MACROD2: variants seen among roughly 807,000 people sequenced by gnomAD.
MACROD2 encodes mono-ADP ribosylhydrolase 2.
In MACROD2, 36 loss-of-function variants were observed where a neutral mutation model predicts 70.4. That is an observed-to-expected ratio of 0.51 (90% CI 0.39 to 0.68). The LOEUF (loss-of-function observed/expected upper bound fraction) is 0.68, where lower values mean the gene tolerates loss of function less well. MACROD2 is among the 30% of genes least tolerant of loss of function. The probability of loss-of-function intolerance (pLI) is 0.00; values close to 1 mark genes in which losing one functional copy is unlikely to be tolerated. For missense variants in MACROD2, 496 were observed against 538.4 expected (o/e 0.92, Z 0.78); for synonymous variants, 172 against 178.8 (o/e 0.96, Z 0.30).
chr20:15,096,518 CT>C (rs1284620729), intron 5 of MACROD2, among the ~76,000 whole-genome samples: 1 of 138,082 alleles, frequency 7.2e-6, no homozygotes, highest in African/African-American at 2.6e-5. Context: ...TTGTTTGTTC[CT>C]TTTTTTGAGA....
At chr20:14,693,543 AC>A (rs1248607972) in intron 5 of MACROD2, among the ~76,000 whole-genome samples, 7 of 152,232 alleles carry the variant, frequency 4.6e-5, no homozygotes, top group Non-Finnish European at 8.8e-5. Context: ...AAAGTAGTCC[AC>A]AGTGAACACT....
intron 5 of MACROD2, among the ~76,000 whole-genome samples, chr20:14,738,501 T>TC (rs1054184337): frequency 1.3e-5 from 2 of 152,114 alleles, no homozygotes; most frequent in Admixed American, 6.6e-5. Context: ...CCGTTATTTT[T>TC]CCCCTCATTG....
chr20:15,850,944 T>G (rs2064290899), intron 8 of MACROD2, among the ~76,000 whole-genome samples: 1 of 152,092 alleles, frequency 6.6e-6, no homozygotes, highest in Non-Finnish European at 1.5e-5. Context: ...ACTCCTGAAA[T>G]TACTAGTAAG....
chr20:15,670,421 T>G (rs187631404), intron 8 of MACROD2, among the ~76,000 whole-genome samples: 196 of 152,284 alleles, frequency 1.3e-3, no homozygotes, highest in African/African-American at 4.2e-3. Context: ...ACAGACAGAC[T>G]CAGGGTCTCC....
chr20:15,539,033 T>G (rs1469409236), intron 8 of MACROD2, among the ~76,000 whole-genome samples: 1 of 152,164 alleles, frequency 6.6e-6, no homozygotes, highest in Admixed American at 6.5e-5. Flanking sequence ...AAAAATATAC[T>G]TTAGTCACTT....
intron 3 of MACROD2, among the ~76,000 whole-genome samples, chr20:14,124,675 G>C (rs2054624997): frequency 1.3e-5 from 2 of 152,130 alleles, no homozygotes; most frequent in South Asian, 4.1e-4. Flanking sequence ...TGAGAAATTG[G>C]AACACTCAAA....
At chr20:15,797,509 G>T (rs1394642841) in intron 8 of MACROD2, among the ~76,000 whole-genome samples, 1 of 147,638 alleles carries the variant, frequency 6.8e-6, no homozygotes, top group Non-Finnish European at 1.5e-5. Flanking sequence ...AAGAGCTCAA[G>T]GCTCATCATC....
chr20:14,947,847 C>G (rs2074445068), intron 5 of MACROD2, among the ~76,000 whole-genome samples: 1 of 152,150 alleles, frequency 6.6e-6, no homozygotes, highest in Non-Finnish European at 1.5e-5. Context: ...ATCCTTCAAC[C>G]TTGGGCAATG....
chr20:14,139,823 C>T (rs575951522), intron 3 of MACROD2, among the ~76,000 whole-genome samples: 1 of 152,108 alleles, frequency 6.6e-6, no homozygotes, highest in South Asian at 2.1e-4. Context: ...TTTTTGAGCA[C>T]CAACATGACA....
At chr20:14,489,807 G>A (rs536231025) in intron 3 of MACROD2, among the ~76,000 whole-genome samples, 4 of 151,678 alleles carry the variant, frequency 2.6e-5, no homozygotes, top group African/African-American at 9.7e-5. Flanking sequence ...AACAATTACT[G>A]TGGAGATAAT....
chr20:16,018,817 C>T (rs1479268252), intron 15 of MACROD2, among the ~76,000 whole-genome samples: 4 of 152,120 alleles, frequency 2.6e-5, no homozygotes, highest in Admixed American at 6.5e-5. Flanking sequence ...ATTGTTGCCC[C>T]CCTTCAAGCC....
At chr20:15,671,925 G>A (rs2049985192) in intron 8 of MACROD2, among the ~76,000 whole-genome samples, 1 of 152,146 alleles carries the variant, frequency 6.6e-6, no homozygotes, top group Admixed American at 6.5e-5. Flanking sequence ...CTTATCAACT[G>A]AAAATATTGT....
At chr20:15,730,775 A>G (rs1042871629) in intron 8 of MACROD2, among the ~76,000 whole-genome samples, 1 of 150,834 alleles carries the variant, frequency 6.6e-6, no homozygotes, top group Non-Finnish European at 1.5e-5. Context: ...ATCTTTAAAT[A>G]TGTTTTTCAA....
intron 5 of MACROD2, chr20:14,758,027 G>A: frequency 1.4e-6 from 1 of 716,726 alleles, no homozygotes; most frequent in Non-Finnish European, 2.5e-6. Flanking sequence ...AGGCGAATTT[G>A]GTCATGGACA....
At chr20:14,451,933 A>C (rs2084250043) in intron 3 of MACROD2, among the ~76,000 whole-genome samples, 1 of 152,134 alleles carries the variant, frequency 6.6e-6, no homozygotes, top group Non-Finnish European at 1.5e-5. Flanking sequence ...TCTGTGGTAT[A>C]TTTATTTTCT....
At chr20:14,486,513 C>CTTTT (rs71335969) in intron 3 of MACROD2, among the ~76,000 whole-genome samples, 13,516 of 96,686 alleles carry the variant, frequency 0.14, 2,269 homozygotes, top group South Asian at 0.24. Flanking sequence ...AAATAGCCAA[C>CTTTT]TTTTTATTTT....
chr20:15,833,676 G>C (rs2064082382), intron 8 of MACROD2, among the ~76,000 whole-genome samples: 1 of 152,172 alleles, frequency 6.6e-6, no homozygotes, highest in African/African-American at 2.4e-5. Context: ...GCTCTTTATA[G>C]AAAATAAAGG....
chr20:14,024,767 G>A (rs182279391), intron 2 of MACROD2, among the ~76,000 whole-genome samples: 22 of 152,246 alleles, frequency 1.4e-4, no homozygotes, highest in Admixed American at 1.2e-3. Context: ...TGCTGAATTC[G>A]GTTCGCCAGT....
intron 2 of MACROD2, among the ~76,000 whole-genome samples, chr20:14,075,026 T>C (rs1188533618): frequency 1.3e-5 from 2 of 152,142 alleles, no homozygotes; most frequent in Non-Finnish European, 2.9e-5. Context: ...TGTCTGTGTA[T>C]TGCACTGCCG....
Sources: allele counts gnomAD v4.1 joint callset (sites outside exome capture counted in the v4.1 genomes callset), GRCh38; gene constraint gnomAD v4.1.1; transcripts MANE v1.5; gene names NCBI Gene and HGNC (gene_info 2026-07-23, HGNC 2026-07-21).